Variants in FBP1 observed in about 807,000 individuals in gnomAD.
The protein encoded by FBP1 is fructose-bisphosphatase 1.
FBP1 carries 22 observed loss-of-function variants against 29.9 expected under a neutral mutation model. The ratio of observed to expected loss-of-function variants is 0.74; its 90% confidence interval spans 0.53 to 1.05. FBP1 has a LOEUF of 1.05. Ranked by LOEUF, FBP1 falls within the 50% of genes least tolerant of loss-of-function variation. FBP1 has a pLI of 0.00. For synonymous variants in FBP1, 175 were observed against 178.6 expected (o/e 0.98, Z 0.16); for missense variants, 345 against 448.2 (o/e 0.77, Z 2.08).
chr9:94,622,918 G>A (rs200595952), intron 1 of FBP1, among the ~76,000 whole-genome samples: 1 of 152,034 alleles, frequency 6.6e-6, no homozygotes, highest in African/African-American at 2.4e-5. Context: ...CCCACTAGCA[G>A]CAGTGCTCTC....
At chr9:94,612,009 T>C (rs180803953) in intron 3 of FBP1, among the ~76,000 whole-genome samples, 12 of 152,352 alleles carry the variant, frequency 7.9e-5, no homozygotes, top group Admixed American at 2.6e-4. Flanking sequence ...GGTGGTTAGT[T>C]AGCTGGTTGC....
chr9:94,623,604 G>A (rs1023112030), intron 1 of FBP1, among the ~76,000 whole-genome samples: 3 of 152,244 alleles, frequency 2.0e-5, no homozygotes, highest in Non-Finnish European at 2.9e-5. Context: ...AGGTGCAGAA[G>A]GAAAGTCCTA....
At chr9:94,604,760 G>A (rs1388015354) in intron 6 of FBP1, among the ~76,000 whole-genome samples, 1 of 152,194 alleles carries the variant, frequency 6.6e-6, no homozygotes, top group East Asian at 1.9e-4. Context: ...CTCCAGCCTG[G>A]GCGACGAGTA....
chr9:94,613,903 C>A (rs1474282304), intron 3 of FBP1, among the ~76,000 whole-genome samples: 2 of 150,250 alleles, frequency 1.3e-5, no homozygotes, highest in African/African-American at 2.5e-5. Flanking sequence ...CACGGTGAAA[C>A]CCCGTCTCTA....
chr9:94,603,301 G>A lies in FBP1; in HGVS notation c.*80C>T, dbSNP rs2131469242. 1 of 1,086,836 alleles carries A rather than the reference G, an allele frequency of 9.2e-7. No individual in the cohort carries two copies. Among genetic ancestry groups the A allele is most frequent in the South Asian group, 1.3e-5 (1 of 75,912 alleles). The allele number at this position is 1,086,836 out of a possible 1,614,324, so 67.3% of individuals were successfully genotyped here. A position where few individuals can be genotyped will look rare whatever the true frequency, so the allele number is the denominator to read the frequency against. On this transcript the variant is annotated 3_prime_UTR_variant, in exon 7 of 7. Transcript: ENST00000375326. ...TTTCTGCTCTCTAGGAATGTAAGGT[G>A]CACAGCAGGTCAGGGTACTGCTGTG...
At chr9:94,617,468 A>G (rs2131486009) in intron 3 of FBP1, among the ~76,000 whole-genome samples, 1 of 152,296 alleles carries the variant, frequency 6.6e-6, no homozygotes, top group East Asian at 1.9e-4. Flanking sequence ...TCATCACTAT[A>G]CTTACCCTCT....
chr9:94,624,863 T>C (rs1210768551), intron 1 of FBP1, among the ~76,000 whole-genome samples: 1 of 152,036 alleles, frequency 6.6e-6, no homozygotes, highest in Non-Finnish European at 1.5e-5. Context: ...CTGAGGTCTT[T>C]TTCCTGTGAT....
In FBP1 at chr9:94,605,464, T is replaced by C. The variant is rs143965326; in HGVS notation, c.818A>G (p.Asn273Ser). ...TCCAGGGGACACCCTTACCTTTCCA[T>C]TGGGGCTCTTCTTGTTAGCGGGGTA... ...FLYPANKKSP[N>S]GKLRLLYECN... The change falls in exon 6 of 7, where the codon AAT (asparagine) becomes AGT (serine). Residue 273 changes from asparagine (N) to serine (S), a missense_variant. Transcript: ENST00000375326. 1.3e-4 allele frequency: 206 copies of C among 1,613,802 alleles called. 1 individual carries two copies. Among genetic ancestry groups the C allele is most frequent in the African/African-American group, 1.9e-4 (14 of 75,004 alleles).
At chr9:94,628,006 T>C (rs4129219) in intron 1 of FBP1, among the ~76,000 whole-genome samples, 31,337 of 152,146 alleles carry the variant, frequency 0.21, 3,576 homozygotes, top group South Asian at 0.29. Context: ...CAGTAGCAGT[T>C]GGGGGCTGAT....
At chr9:94,608,977 G>A (rs1827740991) in intron 4 of FBP1, among the ~76,000 whole-genome samples, 1 of 152,288 alleles carries the variant, frequency 6.6e-6, no homozygotes, top group South Asian at 2.1e-4. Context: ...GAGGCGGGCA[G>A]ATCACCTGAG....
intron 3 of FBP1, among the ~76,000 whole-genome samples, chr9:94,615,753 A>T (rs1420498776): frequency 6.6e-6 from 1 of 152,176 alleles, no homozygotes; most frequent in African/African-American, 2.4e-5. Context: ...TACTTTTCAC[A>T]TATTTGAAAG....
intron 1 of FBP1, among the ~76,000 whole-genome samples, chr9:94,626,009 C>A (rs1024882522): frequency 3.9e-5 from 6 of 152,180 alleles, no homozygotes; most frequent in African/African-American, 1.4e-4. Flanking sequence ...ATGGGCTCCA[C>A]CTGCTTCGCG....
chr9:94,620,500 A>T lies in FBP1; in HGVS notation c.171-9T>A. On this transcript the variant is annotated splice_polypyrimidine_tract_variant and intron_variant, in intron 1 of 6. Transcript: ENST00000375326. Reference sequence around the variant, plus strand: ...AACCAGCAATGCCATAGCTACAGGGAACAAAAGCCACAAAAAATAAGCCAT... The same window carrying T: ...AACCAGCAATGCCATAGCTACAGGGTACAAAAGCCACAAAAAATAAGCCAT... The T allele has an allele frequency of 6.2e-7, 1 of 1,613,804 alleles. No individual in the cohort carries two copies. Among genetic ancestry groups the T allele is most frequent in the Non-Finnish European group, 8.5e-7 (1 of 1,179,846 alleles).
intron 1 of FBP1, among the ~76,000 whole-genome samples, chr9:94,622,408 G>A (rs1041855836): frequency 6.6e-6 from 1 of 152,226 alleles, no homozygotes; most frequent in African/African-American, 2.4e-5. Flanking sequence ...ATGTGCGCTC[G>A]CCTGGGAACT....
intron 5 of FBP1, among the ~76,000 whole-genome samples, chr9:94,605,933 G>A (rs1405508051): frequency 6.6e-6 from 1 of 152,178 alleles, no homozygotes; most frequent in East Asian, 1.9e-4. Context: ...AGGGGTGGGA[G>A]GCAGTGTGTA....
chr9:94,613,702 G>T (rs903764156), intron 3 of FBP1, among the ~76,000 whole-genome samples: 3 of 151,618 alleles, frequency 2.0e-5, no homozygotes, highest in Non-Finnish European at 4.4e-5. Flanking sequence ...GGAGGGTGAG[G>T]CTGCAGTGAG....
intron 3 of FBP1, among the ~76,000 whole-genome samples, chr9:94,611,723 C>A (rs1490559414): frequency 6.6e-6 from 1 of 152,098 alleles, no homozygotes; most frequent in East Asian, 1.9e-4. Context: ...ACTGCACATG[C>A]CTGGGTGACA....
Position 94,639,303 on chromosome 9 carries a change from TC to T in FBP1, c.7del (p.Asp3ThrfsTer12). The T allele has an allele frequency of 1.2e-6, 2 of 1,607,164 alleles. No homozygotes were observed. Among genetic ancestry groups the T allele is most frequent in the Non-Finnish European group, 1.7e-6 (2 of 1,177,058 alleles). ...GACGTCCGTGTCGAAGGGCGCCTGG[TC>T]AGCCATGCTTGAACCGGGTAGAGCG... MA[D>X]QAPFDTDVNT... On this transcript the variant is annotated frameshift_variant, in exon 1 of 7. Transcript: ENST00000375326. LOFTEE classifies it high-confidence loss of function.
rs370332733 is a variant in FBP1 at position 94,605,434 on chromosome 9, C to T, written c.825+23G>A. ...CTGCAAGTGAAATCTGCTCCTCACT[C>T]CCTCTCCAGGGGACACCCTTACCTT... On this transcript the variant is annotated intron_variant, in intron 6 of 6. Coordinates refer to ENST00000375326, the MANE Select transcript of FBP1 (RefSeq NM_000507.4). 3.2e-5 allele frequency: 52 copies of T among 1,612,044 alleles called. 1 individual carries two copies. In the African/African-American group the frequency reaches 4.7e-4, roughly 14 times the overall value.
Sources: allele counts gnomAD v4.1 joint callset (sites outside exome capture counted in the v4.1 genomes callset), GRCh38; gene constraint gnomAD v4.1.1; transcripts MANE v1.5; gene names NCBI Gene and HGNC (gene_info 2026-07-23, HGNC 2026-07-21).